The following NCOR2 variants were observed in gnomAD, a reference collection of about 807,000 sequenced individuals.
The protein encoded by NCOR2 is nuclear receptor corepressor 2, also known as CTG repeat protein 26.
A neutral mutation model predicts 262.9 loss-of-function variants in NCOR2; 81 were observed. The ratio of observed to expected loss-of-function variants is 0.31; its 90% CI spans 0.26 to 0.37. The LOEUF (loss-of-function observed/expected upper bound fraction) is 0.37, where lower values mean the gene tolerates loss of function less well. NCOR2 is among the 10% of genes least tolerant of loss of function. NCOR2 has a pLI of 1.00. For missense variants in NCOR2, 3,385 were observed against 3,621.4 expected (o/e 0.93, Z 1.68); for synonymous variants, 1,659 against 1,559.3 (o/e 1.06, Z -1.51).
Position 124,483,661 on chromosome 12 carries a change from G to A in NCOR2, c.346C>T (p.Pro116Ser), listed in dbSNP as rs781188511. ...AGCAGGGGTGACGGTCGCAGCAGGG[G>A]GTCAGGCAGCAGCTCTAGCCGAGGG... is the stretch of plus-strand genomic sequence containing the variant. Residue 116 changes from proline (P) to serine (S), a missense_variant, in exon 3 of 47, where the codon CCC becomes TCC. Physicochemically the swap from Pro to Ser is moderately conservative, Grantham distance 74 (BLOSUM62 -1). Coordinates refer to ENST00000405201, the Ensembl canonical transcript of NCOR2. The surrounding 1 kb of genome is among the most constrained non-coding windows in gnomAD (Gnocchi z 6.3). 6 of 1,611,636 alleles carry A rather than the reference G, an allele frequency of 3.7e-6. No individual in the cohort carries two copies. In the African/African-American group the frequency reaches 6.7e-5, roughly 18 times the overall value.
chr12:124,482,682 T>C lies in NCOR2; in HGVS notation c.411+914A>G, dbSNP rs2047559460. 6.6e-6 allele frequency among the ~76,000 whole-genome samples: 1 copy of C among 152,142 alleles called. No homozygotes were observed. The highest frequency in any genetic ancestry group is 2.1e-4 in the South Asian group (1 of 4,828). ...CGCACCTGGGTCACCTGAGGGCAGATGGACGGAGGGCCCTGGGATAAGTGA... is the reference window on the plus strand; with the variant it reads ...CGCACCTGGGTCACCTGAGGGCAGACGGACGGAGGGCCCTGGGATAAGTGA... On this transcript the variant is annotated intron_variant, in intron 3 of 46. Transcript: ENST00000405201. The surrounding 1 kb of genome is among the most constrained non-coding windows in gnomAD (Gnocchi z 6.3).
rs1435944495 is a variant in NCOR2, at chr12:124,335,860, C to G, written c.6116-228G>C. On this transcript the variant is annotated intron_variant, in intron 38 of 46. Transcript: ENST00000405201. ...ATGCAGAGCCCGGGACAGAGACAGA[C>G]AGAGAGGGAGACACAGAGAGAGATT... 3 of 549,976 alleles carry G rather than the reference C, an allele frequency of 5.5e-6. No homozygotes were observed. The South Asian group carries it at 7.9e-5, about 14-fold the overall frequency. The allele number at this position is 549,976 out of a possible 1,614,324, so 34.1% of individuals were successfully genotyped here.
chr12:124,467,531 C>T (rs199503572), intron 4 of NCOR2, among the ~76,000 whole-genome samples: 57 of 11,546 alleles, frequency 4.9e-3, no homozygotes, highest in Non-Finnish European at 8.0e-3. Flanking sequence ...CTCATCACCC[C>T]CATCACCCTC....
intron 13 of NCOR2, among the ~76,000 whole-genome samples, chr12:124,411,228 G>A (rs995817147): frequency 1.3e-5 from 2 of 151,762 alleles, no homozygotes; most frequent in Admixed American, 1.3e-4. Flanking sequence ...AGGAAGACAT[G>A]GGAAGAGAAA....
intron 27 of NCOR2, among the ~76,000 whole-genome samples, chr12:124,351,805 G>A (rs1011276454): frequency 5.3e-5 from 8 of 152,178 alleles, no homozygotes; most frequent in East Asian, 3.9e-4. Flanking sequence ...TGGCACAGAC[G>A]ACGGGTCCCC....
chr12:124,489,693 T>C (rs1191449919), intron 1 of NCOR2, among the ~76,000 whole-genome samples: 1 of 152,078 alleles, frequency 6.6e-6, no homozygotes, highest in African/African-American at 2.4e-5. Flanking sequence ...ACCAATAAAT[T>C]ACACCCTTAA....
intron 28 of NCOR2, among the ~76,000 whole-genome samples, chr12:124,349,888 C>G (rs1167122533): frequency 2.6e-5 from 4 of 152,188 alleles, no homozygotes; most frequent in Non-Finnish European, 5.9e-5. Context: ...GGCCTGTCTC[C>G]AAGGCTATCT....
At chr12:124,465,632 C>G (rs1197007732) in intron 5 of NCOR2, among the ~76,000 whole-genome samples, 3 of 152,172 alleles carry the variant, frequency 2.0e-5, no homozygotes, top group Non-Finnish European at 4.4e-5. Flanking sequence ...GCCCTGTGGT[C>G]TGACAGCCCA....
chr12:124,536,792 C>T (rs1383521730), upstream of NCOR2, among the ~76,000 whole-genome samples: 1 of 152,222 alleles, frequency 6.6e-6, no homozygotes, highest in East Asian at 1.9e-4. Flanking sequence ...CTCAGTAATT[C>T]AACTCCTAGG....
chr12:124,418,609 G>A (rs2043037601), intron 13 of NCOR2, among the ~76,000 whole-genome samples: 1 of 152,166 alleles, frequency 6.6e-6, no homozygotes, highest in Admixed American at 6.5e-5. Context: ...CCATTCTCTG[G>A]GGACACTTTG....
chr12:124,505,309 C>T (rs987680703), intron 1 of NCOR2, among the ~76,000 whole-genome samples: 1 of 152,204 alleles, frequency 6.6e-6, no homozygotes, highest in African/African-American at 2.4e-5. Flanking sequence ...TGCCATGGCC[C>T]GCTCCCCCTG....
chr12:124,446,233 C>T (rs1050791400), intron 7 of NCOR2, among the ~76,000 whole-genome samples: 1 of 152,188 alleles, frequency 6.6e-6, no homozygotes, highest in Non-Finnish European at 1.5e-5. Flanking sequence ...ACAGGGTGCT[C>T]ACTACCTACC....
chr12:124,373,797 AT>A (rs1207698483), intron 19 of NCOR2, among the ~76,000 whole-genome samples: 7,612 of 21,340 alleles, frequency 0.36, 3,460 homozygotes, highest in Non-Finnish European at 0.69. Flanking sequence ...ACGGTGGACA[AT>A]CATGAGGCCA....
chr12:124,466,334 A>G (rs759437103), intron 4 of NCOR2, 48 bp from the exon 7 acceptor site: 4 of 1,565,730 alleles, frequency 2.6e-6, no homozygotes, highest in Non-Finnish European at 3.5e-6. Flanking sequence ...AGCGGGCGGA[A>G]GGAGGGCTGC....
At chr12:124,495,288 C>A, upstream of NCOR2, 1 of 1,587,514 alleles carries the variant, frequency 6.3e-7, no homozygotes, top group African/African-American at 1.3e-5. The surrounding 1 kb of genome is among the most constrained non-coding windows in gnomAD (Gnocchi z 4.4). Flanking sequence ...TCCCAGGCCC[C>A]AATAAGCTTT....
rs2052228043 is a variant in NCOR2, at chr12:124,566,084, C to T, written c.-165+1224G>A. Among the ~76,000 whole-genome samples the T allele has an allele frequency of 6.6e-6, 1 of 152,194 alleles. No homozygotes were observed. Among genetic ancestry groups the T allele is most frequent in the African/African-American group, 2.4e-5 (1 of 41,446 alleles). On this transcript the variant is annotated intron_variant, in intron 1 of 32. Transcript: ENST00000458234. The surrounding 1 kb of genome is among the most constrained non-coding windows in gnomAD (Gnocchi z 4.3). Reference sequence around the variant, plus strand: ...AACACATCCCAACGCGCCCAGAACTCCCCCACCCCGCCCACAGGGTCCTCC... The same window carrying T: ...AACACATCCCAACGCGCCCAGAACTTCCCCACCCCGCCCACAGGGTCCTCC...
chr12:124,442,682 C>T (rs2044884593), intron 7 of NCOR2, among the ~76,000 whole-genome samples: 1 of 152,130 alleles, frequency 6.6e-6, no homozygotes, highest in Non-Finnish European at 1.5e-5. Flanking sequence ...GGTACACTGC[C>T]TAGTACAGGT....
chr12:124,327,796 T>C (rs1434929304), intron 44 of NCOR2, 163 bp from the exon 47 acceptor site: 2 of 611,646 alleles, frequency 3.3e-6, no homozygotes, highest in Non-Finnish European at 5.8e-6. Flanking sequence ...AACATATTTA[T>C]TTCCCTATCC....
At chr12:124,370,779 G>C (rs987116386) in intron 20 of NCOR2, among the ~76,000 whole-genome samples, 4 of 152,140 alleles carry the variant, frequency 2.6e-5, no homozygotes, top group Non-Finnish European at 5.9e-5. Flanking sequence ...AAAGACAGAG[G>C]CCAGAAAGGA....
Sources: allele counts gnomAD v4.1 joint callset (sites outside exome capture counted in the v4.1 genomes callset), GRCh38; gene constraint gnomAD v4.1.1; non-coding constraint Gnocchi (gnomAD v3.1); transcripts MANE v1.5; gene names NCBI Gene and HGNC (gene_info 2026-07-23, HGNC 2026-07-21).